ZNF827: variants seen among roughly 807,000 people sequenced by gnomAD.
ZNF827 encodes the protein zinc finger protein 827.
In ZNF827, 13 loss-of-function variants were observed where a neutral mutation model predicts 102.4. The observed-to-expected ratio is 0.13, with a 90% confidence interval of 0.08 to 0.20. The LOEUF (loss-of-function observed/expected upper bound fraction) is 0.20. Ranked by LOEUF, ZNF827 falls within the 10% of genes least tolerant of loss-of-function variation. ZNF827 has a pLI of 1.00. For missense variants in ZNF827, 1,103 were observed against 1,344.4 expected (o/e 0.82, Z 2.81); for synonymous variants, 523 against 536.2 (o/e 0.98, Z 0.34).
At chr4:145,781,273 A>T (rs1159919874) in intron 8 of ZNF827, among the ~76,000 whole-genome samples, 2 of 151,560 alleles carry the variant, frequency 1.3e-5, no homozygotes, top group East Asian at 3.8e-4. Flanking sequence ...CAGAGATAAC[A>T]TCAGAAGAAA....
At chr4:145,805,227 T>A (rs1477117763) in intron 8 of ZNF827, among the ~76,000 whole-genome samples, 2 of 152,068 alleles carry the variant, frequency 1.3e-5, no homozygotes, top group African/African-American at 4.8e-5. Context: ...GAATTCTAAA[T>A]AATGGATTTG....
At chr4:145,888,095 A>G (rs1750275311) in intron 3 of ZNF827, among the ~76,000 whole-genome samples, 1 of 152,198 alleles carries the variant, frequency 6.6e-6, no homozygotes, top group African/African-American at 2.4e-5. Flanking sequence ...CTTCTTTTTC[A>G]CCAGATCCTG....
chr4:145,774,704 G>C, intron 10 of ZNF827, 32 bp from the exon 11 acceptor site: 3 of 1,602,952 alleles, frequency 1.9e-6, no homozygotes, highest in Non-Finnish European at 2.6e-6. Context: ...AAGAGGGGGA[G>C]AGAAAAGGGT....
At chr4:145,877,131 C>T (rs1449343468) in intron 4 of ZNF827, among the ~76,000 whole-genome samples, 2 of 152,118 alleles carry the variant, frequency 1.3e-5, no homozygotes. Context: ...TTACTGTTTT[C>T]CACTCCCTTA....
intron 5 of ZNF827, among the ~76,000 whole-genome samples, chr4:145,859,004 G>T (rs919098987): frequency 2.6e-5 from 4 of 152,086 alleles, no homozygotes; most frequent in African/African-American, 9.7e-5. Flanking sequence ...TACAAATATT[G>T]CTAATATAAA....
intron 1 of ZNF827, 56 bp downstream of exon 1, chr4:145,938,309 G>A: frequency 6.2e-7 from 1 of 1,604,546 alleles, no homozygotes; most frequent in Non-Finnish European, 8.5e-7. Context: ...GGAGGGGAAA[G>A]AGGAGAGGGA....
intron 8 of ZNF827, among the ~76,000 whole-genome samples, chr4:145,813,589 G>T (rs931836336): frequency 6.6e-6 from 1 of 152,116 alleles, no homozygotes; most frequent in Non-Finnish European, 1.5e-5. Context: ...TTTATAAAAG[G>T]CTTTATTGTA....
intron 5 of ZNF827, among the ~76,000 whole-genome samples, chr4:145,867,562 AC>A (rs1164785191): frequency 7.9e-5 from 12 of 152,214 alleles, no homozygotes; most frequent in Admixed American, 7.9e-4. Flanking sequence ...ACCACTTCTA[AC>A]CTCAAGGAAA....
intron 1 of ZNF827, among the ~76,000 whole-genome samples, chr4:145,927,209 C>A (rs1283551075): frequency 2.6e-5 from 4 of 152,164 alleles, no homozygotes; most frequent in African/African-American, 9.7e-5. Flanking sequence ...CCGCCTAATT[C>A]TAGGCCATTA....
intron 8 of ZNF827, among the ~76,000 whole-genome samples, chr4:145,780,879 A>G (rs893612535): frequency 3.9e-5 from 6 of 152,268 alleles, no homozygotes; most frequent in African/African-American, 1.4e-4. Context: ...AATGGTGGTA[A>G]GAACTTCTCC....
At chr4:145,895,070 C>T (rs1300595677) in intron 2 of ZNF827, among the ~76,000 whole-genome samples, 1 of 152,168 alleles carries the variant, frequency 6.6e-6, no homozygotes, top group Non-Finnish European at 1.5e-5. Flanking sequence ...CATTGATCCC[C>T]ATCTTCAAGA....
intron 4 of ZNF827, among the ~76,000 whole-genome samples, chr4:145,879,976 T>A (rs977605706): frequency 6.6e-6 from 1 of 152,122 alleles, no homozygotes; most frequent in African/African-American, 2.4e-5. Context: ...GTTTCTCACA[T>A]CTGTAATCCC....
At position 145,902,311 on chromosome 4, in the gene ZNF827, C is replaced by A. The variant is rs754622989; in HGVS notation, c.948G>T (p.Pro316=). 3 of 1,597,042 alleles carry A rather than the reference C, an allele frequency of 1.9e-6. No individual in the cohort carries two copies. The highest frequency in any genetic ancestry group is 2.6e-6 in the Non-Finnish European group (3 of 1,172,232). The change falls in exon 2 of 15, where the codon CCG becomes CCT. Residue 316 remains proline (P), a synonymous_variant. Coordinates refer to ENST00000508784, the MANE Select transcript of ZNF827 (RefSeq NM_001306215.2). This position sits in a 1 kb window ranked among gnomAD's most constrained non-coding sequence, Gnocchi z 4.3. ...KSSLLPEDPL[P]PPPSEKKPEK... ...CTGGTTTCTTCTCTGAAGGCGGGGG[C>A]GGTAGAGGGTCCTCAGGCAGCAGCG... is the stretch of plus-strand genomic sequence containing the variant.
rs34051922 is a variant in ZNF827 at position 145,768,916 on chromosome 4, T to TATAAAA, written c.2861-3179_2861-3178insTTTTAT. On this transcript the variant is annotated intron_variant, in intron 11 of 14. Coordinates refer to ENST00000508784, the MANE Select transcript of ZNF827 (RefSeq NM_001306215.2). ...ATATATATATATATATATATATATATTAGGTATACAAAGTTTGGAAATAGA... is the reference window on the plus strand; with the variant it reads ...ATATATATATATATATATATATATATATAAAATAGGTATACAAAGTTTGGAAATAGA... Among the ~76,000 whole-genome samples the TATAAAA allele has an allele frequency of 4.2e-3, 146 of 34,426 alleles. 36 individuals carry two copies. Among genetic ancestry groups the TATAAAA allele is most frequent in the East Asian group, 0.016 (12 of 736 alleles). The allele number at this position is 34,426 out of a possible 152,430, so 22.6% of individuals were successfully genotyped here. A position where few individuals can be genotyped will look rare whatever the true frequency, so the allele number is the denominator to read the frequency against.
intron 7 of ZNF827, among the ~76,000 whole-genome samples, chr4:145,836,589 G>A (rs1222630930): frequency 6.6e-6 from 1 of 151,890 alleles, no homozygotes; most frequent in African/African-American, 2.4e-5. Context: ...TTCCTGGCTC[G>A]GACTTCAATC....
rs373616047 is a variant in ZNF827 at position 145,856,637 on chromosome 4, G to C, written c.1982-7076C>G. Among the ~76,000 whole-genome samples the C allele has an allele frequency of 2.7e-4, 41 of 151,438 alleles. No homozygotes were observed. In the South Asian group the frequency reaches 4.0e-3, roughly 15 times the overall value. Reference sequence around the variant, plus strand: ...TCAATATATAAGAAACTTCAAGAATGGTAGCTTTCAACAGAAAACCATACA... The same window carrying C: ...TCAATATATAAGAAACTTCAAGAATCGTAGCTTTCAACAGAAAACCATACA... On this transcript the variant is annotated intron_variant, in intron 5 of 14. Coordinates refer to ENST00000508784, the MANE Select transcript of ZNF827 (RefSeq NM_001306215.2).
At chr4:145,868,006 T>A (rs1748354301) in intron 5 of ZNF827, among the ~76,000 whole-genome samples, 1 of 152,186 alleles carries the variant, frequency 6.6e-6, no homozygotes, top group Non-Finnish European at 1.5e-5. Flanking sequence ...ACACACAAAG[T>A]TTTTTCCTAA....
intron 1 of ZNF827, among the ~76,000 whole-genome samples, chr4:145,919,632 A>G (rs1752917013): frequency 6.6e-6 from 1 of 152,258 alleles, no homozygotes. Context: ...GTGATGAACC[A>G]GAAATATGAA....
At chr4:145,841,962 T>A in intron 7 of ZNF827, among the ~76,000 whole-genome samples, 1 of 151,974 alleles carries the variant, frequency 6.6e-6, no homozygotes, top group African/African-American at 2.4e-5. Context: ...TCAAACCAGT[T>A]CTTAAAATGA....
Sources: allele counts gnomAD v4.1 joint callset (sites outside exome capture counted in the v4.1 genomes callset), GRCh38; gene constraint gnomAD v4.1.1; non-coding constraint Gnocchi (gnomAD v3.1); transcripts MANE v1.5; gene names NCBI Gene and HGNC (gene_info 2026-07-23, HGNC 2026-07-21).